The following GDPD4 variants were observed in gnomAD, a reference collection of about 807,000 sequenced individuals.
GDPD4 encodes glycerophosphodiester phosphodiesterase domain containing 4.
In GDPD4, 60 loss-of-function variants were observed where a neutral mutation model predicts 67.8. The observed-to-expected ratio is 0.88, with a 90% CI of 0.72 to 1.10. The LOEUF (loss-of-function observed/expected upper bound fraction) is 1.10, where lower values mean the gene tolerates loss of function less well. Among genes scored for constraint, GDPD4 ranks in the 50% least tolerant of loss-of-function variants. The pLI is 0.00. For synonymous variants in GDPD4, 212 were observed against 210.9 expected (o/e 1.00, Z -0.04); for missense variants, 623 against 613.9 (o/e 1.01, Z -0.16).
rs114151625 is a variant in GDPD4, at chr11:77,225,747, G to A, written c.1525+2117C>T. ...GAGAGGCCTTCTGGTGGTAGACATGGCATCAGTAGGTGCAGCAGTACGTGC... is the reference window on the plus strand; with the variant it reads ...GAGAGGCCTTCTGGTGGTAGACATGACATCAGTAGGTGCAGCAGTACGTGC... On this transcript the variant is annotated intron_variant, in intron 16 of 16. Transcript: ENST00000315938. 3.8e-3 allele frequency among the ~76,000 whole-genome samples: 579 copies of A among 152,278 alleles called. 7 individuals are homozygous for A. The highest frequency in any genetic ancestry group is 0.013 in the African/African-American group (555 of 41,556).
chr11:77,252,943 C>T (rs920427962), intron 11 of GDPD4, among the ~76,000 whole-genome samples: 9 of 152,152 alleles, frequency 5.9e-5, no homozygotes, highest in African/African-American at 2.2e-4. Flanking sequence ...TGAGGGGATC[C>T]CTCTTGGTGT....
Position 77,269,014 on chromosome 11 carries a change from C to G in GDPD4, c.534G>C (p.Leu178Phe), listed in dbSNP as rs748826662. ...AGGGAGAATAAATCCCCAGTGGCAT[C>G]AAATAGAGACCTAAAAGGATAAGAA... ...PFLLILLGLYLMPLGIYSPCI... is the reference protein window; with the variant it reads ...PFLLILLGLYFMPLGIYSPCI... The change falls in exon 9 of 17, where the codon TTG (leucine) becomes TTC (phenylalanine). Residue 178 changes from leucine (L) to phenylalanine (F), a missense_variant. Physicochemically the swap from Leu to Phe is conservative, Grantham distance 22 (BLOSUM62 0). Transcript: ENST00000315938. The G allele has an allele frequency of 1.9e-6, 3 of 1,613,654 alleles. No homozygotes were observed. Among genetic ancestry groups the G allele is most frequent in the Non-Finnish European group, 1.7e-6 (2 of 1,179,830 alleles).
In GDPD4 at chr11:77,292,381, G is replaced by A. The variant is rs539302323; in HGVS notation, c.-253-4961C>T. On this transcript the variant is annotated intron_variant, in intron 1 of 16. Coordinates refer to ENST00000315938, the MANE Select transcript of GDPD4 (RefSeq NM_182833.3). ...AACTCTGAGTTAAAAAAAATCAAAA[G>A]GGAAATTAAAACCTTTTGAACTGAA... Among the ~76,000 whole-genome samples the A allele has an allele frequency of 1.8e-3, 266 of 151,906 alleles. 1 individual carries two copies. Among genetic ancestry groups the A allele is most frequent in the Admixed American group, 3.5e-3 (54 of 15,270 alleles).
chr11:77,276,026 ATC>A, intron 5 of GDPD4, 133 bp downstream of exon 5: 1 of 648,010 alleles, frequency 1.5e-6, no homozygotes, highest in Non-Finnish European at 2.8e-6. Flanking sequence ...GTGTAAGTAA[ATC>A]TCTTCTCTCC....
At chr11:77,295,133 T>TTTG (rs1270283551) in intron 1 of GDPD4, among the ~76,000 whole-genome samples, 2 of 151,278 alleles carry the variant, frequency 1.3e-5, no homozygotes, top group Admixed American at 6.6e-5. Context: ...TCCAGCTAAT[T>TTTG]TTGTTGTTGT....
chr11:77,217,933 G>T (rs1470269465), intron 16 of GDPD4, among the ~76,000 whole-genome samples: 1 of 152,122 alleles, frequency 6.6e-6, no homozygotes, highest in East Asian at 1.9e-4. Flanking sequence ...AAGAGTGTGA[G>T]AATCTAAAGC....
intron 3 of GDPD4, among the ~76,000 whole-genome samples, chr11:77,283,140 G>A (rs551476257): frequency 6.6e-6 from 1 of 152,302 alleles, no homozygotes; most frequent in Admixed American, 6.5e-5. Flanking sequence ...GGATGATCAT[G>A]GAAGCTAGCC....
At chr11:77,233,249 G>C (rs1189859364) in intron 13 of GDPD4, 77 bp from the exon 14 acceptor site, 2 of 1,414,262 alleles carry the variant, frequency 1.4e-6, no homozygotes, top group Admixed American at 3.5e-5. Context: ...CAGCCACCAT[G>C]TTTGTGAAAG....
At chr11:77,258,570 G>C in intron 10 of GDPD4, 28 bp from the exon 11 acceptor site, 2 of 1,610,850 alleles carry the variant, frequency 1.2e-6, no homozygotes, top group Non-Finnish European at 1.7e-6. Context: ...AAGAAGGGCA[G>C]GGGTAGATAG....
chr11:77,275,979 T>C (rs1959448378), intron 5 of GDPD4, among the ~76,000 whole-genome samples, 182 bp downstream of exon 5: 1 of 152,124 alleles, frequency 6.6e-6, no homozygotes, highest in South Asian at 2.1e-4. Flanking sequence ...CATAAATCAG[T>C]TGCAACGTTA....
chr11:77,284,827 A>C (rs964511007), intron 3 of GDPD4, among the ~76,000 whole-genome samples: 2 of 152,198 alleles, frequency 1.3e-5, no homozygotes, highest in Admixed American at 1.3e-4. Flanking sequence ...TGGATATTGG[A>C]AGCATGAAAG....
Position 77,245,307 on chromosome 11 carries a change from G to C in GDPD4, c.1060C>G (p.Leu354Val). Residue 354 changes from leucine to valine, a missense_variant, in exon 12 of 17, where the codon CTT becomes GTT. Coordinates refer to ENST00000315938, the MANE Select transcript of GDPD4 (RefSeq NM_182833.3). Reference sequence around the variant, plus strand: ...AGATGTTGCTCGATTTTAGAGGCAAGGATCACGCTTACTACTTGGCGGACA... The same window carrying C: ...AGATGTTGCTCGATTTTAGAGGCAACGATCACGCTTACTACTTGGCGGACA... ...TFVRQVVSVILASKIEQHLIF... is the reference protein window; with the variant it reads ...TFVRQVVSVIVASKIEQHLIF... The C allele has an allele frequency of 6.2e-7, 1 of 1,614,116 alleles. No individual in the cohort carries two copies. Among genetic ancestry groups the C allele is most frequent in the Non-Finnish European group, 8.5e-7 (1 of 1,179,982 alleles).
At chr11:77,246,379 C>T (rs1434694220) in intron 11 of GDPD4, among the ~76,000 whole-genome samples, 1 of 152,174 alleles carries the variant, frequency 6.6e-6, no homozygotes, top group African/African-American at 2.4e-5. Context: ...CTCTGTATGT[C>T]TCATTCATAT....
chr11:77,245,019 C>T (rs1044854846), intron 12 of GDPD4, among the ~76,000 whole-genome samples: 6 of 152,120 alleles, frequency 3.9e-5, no homozygotes, highest in Non-Finnish European at 8.8e-5. Flanking sequence ...TACACATATT[C>T]CTCTTTAACA....
intron 10 of GDPD4, among the ~76,000 whole-genome samples, chr11:77,260,407 A>C (rs1186332340): frequency 1.3e-5 from 2 of 152,224 alleles, no homozygotes; most frequent in Non-Finnish European, 2.9e-5. Flanking sequence ...AACAAGCTTC[A>C]AAAGAAAAGA....
At chr11:77,264,488 A>G (rs1254227632) in intron 10 of GDPD4, among the ~76,000 whole-genome samples, 1 of 152,184 alleles carries the variant, frequency 6.6e-6, no homozygotes, top group Non-Finnish European at 1.5e-5. Context: ...GTCACATAGG[A>G]AACAGCCAGG....
chr11:77,220,176 C>T (rs1240655551), intron 16 of GDPD4, among the ~76,000 whole-genome samples: 1 of 152,128 alleles, frequency 6.6e-6, no homozygotes, highest in Admixed American at 6.6e-5. Flanking sequence ...GACTTCCTCT[C>T]TTCCTAATTG....
At chr11:77,223,281 T>G (rs1026164075) in intron 16 of GDPD4, among the ~76,000 whole-genome samples, 1 of 152,124 alleles carries the variant, frequency 6.6e-6, no homozygotes, top group African/African-American at 2.4e-5. Flanking sequence ...CTGCAATCCT[T>G]TGGAGGAGAA....
At chr11:77,296,325 A>AT (rs150817128) in intron 1 of GDPD4, among the ~76,000 whole-genome samples, 1,750 of 141,542 alleles carry the variant, frequency 0.012, 13 homozygotes, top group Non-Finnish European at 0.014. Flanking sequence ...TTTTTAATTA[A>AT]TTTTTTTTTT....
Sources: gnomAD v4.1 joint callset for allele counts (sites outside exome capture counted in the v4.1 genomes callset) on GRCh38, gnomAD v4.1.1 for gene constraint, MANE v1.5 for transcripts, NCBI Gene and HGNC (gene_info 2026-07-23, HGNC 2026-07-21) for gene names.